RTL1: variants seen among roughly 807,000 people sequenced by gnomAD.
RTL1 encodes retrotransposon-like protein 1.
For missense variants in RTL1, 1,681 were observed against 1,767.5 expected (o/e 0.95, Z 0.88); for synonymous variants, 727 against 748.4 (o/e 0.97, Z 0.47).
Position 100,880,617 on chromosome 14 carries a change from G to T in RTL1, c.*95C>A. 4.0e-6 allele frequency: 6 copies of T among 1,505,170 alleles called. No homozygotes were observed. Among genetic ancestry groups the T allele is most frequent in the Non-Finnish European group, 5.3e-6 (6 of 1,126,786 alleles). 93.2% of individuals were successfully genotyped at this position (1,505,170 alleles called of 1,614,324 possible). Reference sequence around the variant, plus strand: ...TGGGTCAGGAGTGGCAGGAAGGGAAGCGAAGCAGGCTGAGGCGCGGGGAGG... The same window carrying T: ...TGGGTCAGGAGTGGCAGGAAGGGAATCGAAGCAGGCTGAGGCGCGGGGAGG... On this transcript the variant is annotated 3_prime_UTR_variant, in exon 4 of 4. Transcript: ENST00000649591.
intron 2 of RTL1, chr14:100,897,580 T>A (rs2038876561): frequency 6.5e-6 from 1 of 153,154 alleles, no homozygotes; most frequent in Non-Finnish European, 1.5e-5. Flanking sequence ...ATAGTGTACA[T>A]TTCCTCTCGC....
chr14:100,895,793 C>T (rs1406736544), intron 2 of RTL1, among the ~76,000 whole-genome samples: 1 of 152,136 alleles, frequency 6.6e-6, no homozygotes, highest in African/African-American at 2.4e-5. Flanking sequence ...TTCATATTTG[C>T]TGGGTGTGGT....
chr14:100,895,617 C>T (rs982855492), intron 2 of RTL1, among the ~76,000 whole-genome samples: 1 of 152,024 alleles, frequency 6.6e-6, no homozygotes. Context: ...CGTGAGGTTG[C>T]AGAGGGCATT....
chr14:100,883,520 G>A lies in RTL1; in HGVS notation c.1269C>T (p.Val423=), dbSNP rs1181288797. 2.6e-6 allele frequency: 4 copies of A among 1,551,512 alleles called. No individual in the cohort carries two copies. Among genetic ancestry groups the A allele is most frequent in the South Asian group, 1.2e-5 (1 of 84,060 alleles). ...CCGAATCCACCAGGGCCTGGACCGC[G>A]ACGCTGTGGTAGGGGTTCACTCTCA... ...LMVRVNPYHS[V]AVQALVDSGA... The change falls in exon 4 of 4, where the codon GTC becomes GTT. Residue 423 remains valine (V), a synonymous_variant. Coordinates refer to ENST00000649591, the MANE Select transcript of RTL1 (RefSeq NM_001134888.3). The surrounding 1 kb of genome is among the most constrained non-coding windows in gnomAD (Gnocchi z 5.9).
intron 2 of RTL1, among the ~76,000 whole-genome samples, chr14:100,899,766 A>G (rs142025788): frequency 2.0e-5 from 3 of 151,420 alleles, no homozygotes; most frequent in Non-Finnish European, 4.4e-5. Flanking sequence ...TGAGATCTCA[A>G]TGAGGAAATA....
At chr14:100,891,265 G>A (rs1351664644) in intron 3 of RTL1, among the ~76,000 whole-genome samples, 4 of 152,152 alleles carry the variant, frequency 2.6e-5, no homozygotes, top group South Asian at 2.1e-4. Flanking sequence ...TTGGCATCTC[G>A]GCCCAGGGCA....
rs2038658612 is a variant in RTL1 at position 100,883,917 on chromosome 14, A to C, written c.872T>G (p.Met291Arg). Residue 291 changes from methionine (M) to arginine (R), a missense_variant, in exon 4 of 4, where the codon ATG becomes AGG. By Grantham distance (91) the Met-to-Arg change is moderately conservative. Transcript: ENST00000649591. The surrounding 1 kb of genome is among the most constrained non-coding windows in gnomAD (Gnocchi z 5.9). ...GCGGCCGCCCTGCCTGATGGTGAAC[A>C]TGGCCTCTTCTGCCACACGCAGTGC... is the stretch of plus-strand genomic sequence containing the variant. Reference protein sequence around the residue: ...RQALRVAEEAMFTIRQGGRSA... With the variant: ...RQALRVAEEARFTIRQGGRSA... 6.4e-7 allele frequency: 1 copy of C among 1,551,502 alleles called. No homozygotes were observed. Among genetic ancestry groups the C allele is most frequent in the Non-Finnish European group, 8.7e-7 (1 of 1,146,996 alleles).
At position 100,881,758 on chromosome 14, in the gene RTL1, C is replaced by A. The variant is rs377552415; in HGVS notation, c.3031G>T (p.Ala1011Ser). ...WRRAFQRNTA[A>S]RQTLLLASRG... is the part of the protein sequence containing the mutation. The stretch of plus-strand genomic sequence containing the variant: ...GAGGCCAGCAGCAGGGTTTGCCTGG[C>A]GGCAGTGTTCCTCTGGAAGGCTCTC... Residue 1011 changes from alanine to serine, a missense_variant, in exon 4 of 4, where the codon GCC (alanine) becomes TCC (serine). Physicochemically the swap from Ala to Ser is moderately conservative, Grantham distance 99. Transcript: ENST00000649591. The surrounding 1 kb of genome is among the most constrained non-coding windows in gnomAD (Gnocchi z 6.6). 1.2e-6 allele frequency: 2 copies of A among 1,612,618 alleles called. No individual in the cohort carries two copies. Among genetic ancestry groups the A allele is most frequent in the South Asian group, 1.1e-5 (1 of 91,018 alleles).
Position 100,881,822 on chromosome 14 carries a change from G to A in RTL1, c.2967C>T (p.Gly989=), listed in dbSNP as rs574438250. Residue 989 remains glycine, a synonymous_variant, in exon 4 of 4, where the codon GGC becomes GGT. Transcript: ENST00000649591. This position sits in a 1 kb window ranked among gnomAD's most constrained non-coding sequence, Gnocchi z 6.6. ...FDVMELPEQD[G]GRALPPVRNL... ...TTCTCACAGGTGGCAGAGCTCGGCC[G>A]CCGTCTTGTTCTGGCAGCTCCATGA... is the stretch of plus-strand genomic sequence containing the variant. 1.9e-6 allele frequency: 3 copies of A among 1,613,926 alleles called. No homozygotes were observed. The highest frequency in any genetic ancestry group is 1.1e-5 in the South Asian group (1 of 91,072).
At chr14:100,902,027 G>T (rs896763719) in intron 2 of RTL1, among the ~76,000 whole-genome samples, 2 of 152,064 alleles carry the variant, frequency 1.3e-5, no homozygotes, top group Admixed American at 6.5e-5. Context: ...CTAAACATGT[G>T]GGCTGCCAGC....
At position 100,883,699 on chromosome 14, in the gene RTL1, T is replaced by A; in HGVS notation, c.1090A>T (p.Arg364Ter). ...ILQIEEKLAE[R>*]RAMLRLPPEA... ...GGGGGCAGCCTGAGCATAGCTCTTC[T>A]CTCTGCCAGCTTCTCTTCTATTTGC... Residue 364 changes from arginine to a stop codon, truncating the protein, a stop_gained, in exon 4 of 4, where the codon AGA becomes TGA. Transcript: ENST00000649591. LOFTEE classifies it low-confidence loss of function (END_TRUNC). This position sits in a 1 kb window ranked among gnomAD's most constrained non-coding sequence, Gnocchi z 5.9. 1 of 1,551,644 alleles carries A rather than the reference T, an allele frequency of 6.4e-7. No homozygotes were observed. The highest frequency in any genetic ancestry group is 8.7e-7 in the Non-Finnish European group (1 of 1,146,994).
At chr14:100,891,322 GTCCT>G (rs2038774655) in intron 3 of RTL1, among the ~76,000 whole-genome samples, 1 of 152,216 alleles carries the variant, frequency 6.6e-6, no homozygotes, top group African/African-American at 2.4e-5. Flanking sequence ...CTGGACCGAG[GTCCT>G]TGAATGCCAG....
Position 100,881,887 on chromosome 14 carries a change from C to T in RTL1, c.2902G>A (p.Gly968Arg). The T allele has an allele frequency of 1.9e-6, 3 of 1,613,598 alleles. No individual in the cohort carries two copies. The highest frequency in any genetic ancestry group is 2.5e-6 in the Non-Finnish European group (3 of 1,180,016). Residue 968 changes from glycine to arginine, a missense_variant, in exon 4 of 4, where the codon GGG (glycine) becomes AGG (arginine). By Grantham distance (125) the Gly-to-Arg change is moderately radical. Transcript: ENST00000649591. The surrounding 1 kb of genome is among the most constrained non-coding windows in gnomAD (Gnocchi z 6.6). The stretch of plus-strand genomic sequence containing the variant: ...TGGGAGAAGAAGAAGACCCAATGCC[C>T]GGGGAGAAGTACGGTGAGCCTGTCA... ...NNDRLTVLLP[G>R]HWVFFFSHFN...
chr14:100,892,892 G>A (rs2038801450), intron 3 of RTL1, among the ~76,000 whole-genome samples: 1 of 152,144 alleles, frequency 6.6e-6, no homozygotes, highest in African/African-American at 2.4e-5. Flanking sequence ...ACGAGTTGGG[G>A]GATGTGCTGC....
chr14:100,891,429 G>C (rs1353388466), intron 3 of RTL1, among the ~76,000 whole-genome samples: 1 of 152,182 alleles, frequency 6.6e-6, no homozygotes, highest in African/African-American at 2.4e-5. Flanking sequence ...GCTGTCCCCA[G>C]GGCGTGTCTA....
rs772412735 is a variant in RTL1, at chr14:100,881,699, G to T, written c.3090C>A (p.Ser1030=). 7 of 1,571,420 alleles carry T rather than the reference G, an allele frequency of 4.5e-6. No homozygotes were observed. The highest frequency in any genetic ancestry group is 4.8e-5 in the East Asian group (2 of 42,068). Residue 1030 remains serine, a synonymous_variant, in exon 4 of 4, where the codon TCC becomes TCA. Coordinates refer to ENST00000649591, the MANE Select transcript of RTL1 (RefSeq NM_001134888.3). This position sits in a 1 kb window ranked among gnomAD's most constrained non-coding sequence, Gnocchi z 6.6. ...CCTGTTCTTCATTCTCTTCTTCCCCGGATTCCGTCGATGGATCCCTGGGGA... is the reference window on the plus strand; with the variant it reads ...CCTGTTCTTCATTCTCTTCTTCCCCTGATTCCGTCGATGGATCCCTGGGGA... The part of the protein sequence containing the change: ...RGFPRDPSTE[S]GEEENEEQDE...
At chr14:100,900,376 C>T (rs760227667) in intron 2 of RTL1, among the ~76,000 whole-genome samples, 8 of 152,218 alleles carry the variant, frequency 5.3e-5, no homozygotes, top group Non-Finnish European at 8.8e-5. Flanking sequence ...AAGGGAACCT[C>T]CTCGGCCGCT....
chr14:100,901,727 C>T lies in RTL1; in HGVS notation c.-149+1564G>A, dbSNP rs1401021249. ...TCAGGAGCCAGGGCAGGTGCTTGGC[C>T]ACTCTAGGTGTTCTGGCCCTCAAGA... is the stretch of plus-strand genomic sequence containing the variant. On this transcript the variant is annotated intron_variant, in intron 2 of 3. Transcript: ENST00000649591. Among the ~76,000 whole-genome samples, 6 of 152,076 alleles carry T rather than the reference C, an allele frequency of 3.9e-5. No homozygotes were observed. The East Asian group carries it at 9.7e-4, about 25-fold the overall frequency.
In RTL1 at chr14:100,884,667, A is replaced by T. The variant is rs771110025; in HGVS notation, c.122T>A (p.Val41Glu). The T allele has an allele frequency of 6.2e-7, 1 of 1,608,542 alleles. No homozygotes were observed. Among genetic ancestry groups the T allele is most frequent in the Non-Finnish European group, 8.5e-7 (1 of 1,178,638 alleles). ...NTTEATSGSGVRGEAGPASGP... is the reference protein window; with the variant it reads ...NTTEATSGSGERGEAGPASGP... The stretch of plus-strand genomic sequence containing the variant: ...GCTGGCTGGCCCTGCCTCTCCCCGC[A>T]CTCCACTGCCCGACGTCGCCTCGGT... Residue 41 changes from valine to glutamate, a missense_variant, in exon 4 of 4, where the codon GTG becomes GAG. By Grantham distance (121) the Val-to-Glu change is moderately radical. Coordinates refer to ENST00000649591, the MANE Select transcript of RTL1 (RefSeq NM_001134888.3).
Sources: allele counts gnomAD v4.1 joint callset (sites outside exome capture counted in the v4.1 genomes callset), GRCh38; gene constraint gnomAD v4.1.1; non-coding constraint Gnocchi (gnomAD v3.1); transcripts MANE v1.5; gene names NCBI Gene and HGNC (gene_info 2026-07-23, HGNC 2026-07-21).